ERBB4: variants seen among roughly 807,000 people sequenced by gnomAD.
The protein encoded by ERBB4 is erb-b2 receptor tyrosine kinase 4.
In ERBB4, 42 loss-of-function variants were observed where a neutral mutation model predicts 158.0. The observed-to-expected ratio is 0.27, with a 90% confidence interval of 0.21 to 0.34. The LOEUF (loss-of-function observed/expected upper bound fraction) is 0.34, where lower values mean the gene tolerates loss of function less well. ERBB4 is among the 10% of genes least tolerant of loss of function. ERBB4 has a pLI of 1.00. For missense variants in ERBB4, 1,333 were observed against 1,624.1 expected, an observed-to-expected ratio of 0.82 and a Z score of 3.08; for synonymous variants, 583 against 558.7, an observed-to-expected ratio of 1.04 and a Z score of -0.61.
At chr2:211,572,252 C>T (rs1455301385) in intron 19 of ERBB4, among the ~76,000 whole-genome samples, 1 of 152,044 alleles carries the variant, frequency 6.6e-6, no homozygotes, top group Non-Finnish European at 1.5e-5. Flanking sequence ...TAACATTGCA[C>T]GTACTCAATA....
intron 1 of ERBB4, among the ~76,000 whole-genome samples, chr2:212,152,511 TAGTC>T (rs2080903906): frequency 6.6e-6 from 1 of 152,182 alleles, no homozygotes; most frequent in Admixed American, 6.6e-5. Context: ...GACTCTACCA[TAGTC>T]AGCCATTTAA....
intron 20 of ERBB4, among the ~76,000 whole-genome samples, chr2:211,463,267 G>C (rs1295166685): frequency 6.6e-6 from 1 of 152,216 alleles, no homozygotes; most frequent in East Asian, 1.9e-4. Flanking sequence ...AAGGATTCCT[G>C]GCTCAAATTC....
intron 1 of ERBB4, among the ~76,000 whole-genome samples, chr2:212,323,634 C>T (rs1424234281): frequency 2.7e-5 from 4 of 150,420 alleles, no homozygotes; most frequent in Admixed American, 1.3e-4. Flanking sequence ...AATGTAGATA[C>T]TGCCAGCATT....
intron 1 of ERBB4, among the ~76,000 whole-genome samples, chr2:212,466,317 A>G (rs1302090199): frequency 1.3e-5 from 2 of 152,204 alleles, no homozygotes; most frequent in Non-Finnish European, 2.9e-5. Flanking sequence ...TTTGAAACCC[A>G]AATATATGAA....
At chr2:211,670,255 G>A (rs954790439) in intron 14 of ERBB4, among the ~76,000 whole-genome samples, 1 of 152,166 alleles carries the variant, frequency 6.6e-6, no homozygotes, top group African/African-American at 2.4e-5. Flanking sequence ...ATTAAGGGTT[G>A]AAAGAAACCA....
chr2:211,632,783 T>G (rs554028790), intron 16 of ERBB4, among the ~76,000 whole-genome samples: 3 of 152,166 alleles, frequency 2.0e-5, no homozygotes, highest in Admixed American at 1.3e-4. Context: ...AAGACAGTAA[T>G]TTCTGGTTTT....
At chr2:211,566,091 A>C (rs1341884147) in intron 19 of ERBB4, among the ~76,000 whole-genome samples, 1 of 152,200 alleles carries the variant, frequency 6.6e-6, no homozygotes, top group African/African-American at 2.4e-5. Flanking sequence ...CCTAGCAAGG[A>C]CTTCAGCATC....
rs1693243689 is a variant in ERBB4 at position 212,538,559 on chromosome 2, C to T, written c.-29G>A. The T allele has an allele frequency of 1.3e-6, 2 of 1,599,382 alleles. No homozygotes were observed. Among genetic ancestry groups the T allele is most frequent in the Admixed American group, 1.7e-5 (1 of 59,996 alleles). On this transcript the variant is annotated 5_prime_UTR_variant, in exon 1 of 28. Coordinates refer to ENST00000342788, the MANE Select transcript of ERBB4 (RefSeq NM_005235.3). ...TTGGAAGTCTCAGATCCCGTGCTGA[C>T]AATTACATGTCCAAATGGCATATCC...
intron 20 of ERBB4, among the ~76,000 whole-genome samples, chr2:211,528,380 T>A (rs536809184): frequency 6.6e-6 from 1 of 151,996 alleles, no homozygotes; most frequent in South Asian, 2.1e-4. Flanking sequence ...TAGAGCTAAA[T>A]AAAGAGACTC....
At chr2:212,470,219 G>A (rs905202164) in intron 1 of ERBB4, among the ~76,000 whole-genome samples, 2 of 151,860 alleles carry the variant, frequency 1.3e-5, no homozygotes, top group African/African-American at 4.8e-5. Flanking sequence ...CCCTCATACT[G>A]CTTCAAATAA....
intron 1 of ERBB4, among the ~76,000 whole-genome samples, chr2:212,208,736 T>C (rs937964035): frequency 6.6e-6 from 1 of 152,142 alleles, no homozygotes; most frequent in African/African-American, 2.4e-5. Context: ...CCAATAACAA[T>C]TATGTCAATT....
chr2:212,323,657 T>C (rs1167053934), intron 1 of ERBB4, among the ~76,000 whole-genome samples: 1 of 150,608 alleles, frequency 6.6e-6, no homozygotes, highest in Non-Finnish European at 1.5e-5. Context: ...AAAAATGTTA[T>C]AAACACAAAG....
At chr2:212,004,862 G>A (rs549577302) in intron 2 of ERBB4, among the ~76,000 whole-genome samples, 1 of 151,752 alleles carries the variant, frequency 6.6e-6, no homozygotes, top group Non-Finnish European at 1.5e-5. Context: ...TGTATATATA[G>A]CTTTTGAGAT....
chr2:211,587,470 T>C (rs973322919), intron 19 of ERBB4, among the ~76,000 whole-genome samples: 6 of 152,236 alleles, frequency 3.9e-5, no homozygotes, highest in East Asian at 1.9e-4. Flanking sequence ...GAATGGCACA[T>C]GAAGCCGGAG....
At chr2:212,015,127 A>T (rs1164958921) in intron 2 of ERBB4, among the ~76,000 whole-genome samples, 1 of 131,278 alleles carries the variant, frequency 7.6e-6, no homozygotes, top group Admixed American at 8.0e-5. Context: ...TTAGCCGGGC[A>T]TGGTGGCGGG....
At chr2:212,500,691 C>T (rs972165669) in intron 1 of ERBB4, among the ~76,000 whole-genome samples, 1 of 152,012 alleles carries the variant, frequency 6.6e-6, no homozygotes, top group Non-Finnish European at 1.5e-5. Context: ...ATAACATGAA[C>T]ATTGAACCAA....
chr2:211,841,577 T>C (rs2077472012), intron 3 of ERBB4, among the ~76,000 whole-genome samples: 1 of 151,970 alleles, frequency 6.6e-6, no homozygotes, highest in African/African-American at 2.4e-5. Context: ...ATTTTGAAAA[T>C]GTGTTATTTT....
intron 20 of ERBB4, among the ~76,000 whole-genome samples, chr2:211,519,271 C>T (rs943749061): frequency 3.3e-5 from 5 of 152,040 alleles, no homozygotes; most frequent in African/African-American, 1.2e-4. Context: ...GTAATTATAG[C>T]CCATTAGTTT....
intron 1 of ERBB4, among the ~76,000 whole-genome samples, chr2:212,193,217 A>G (rs773827352): frequency 6.6e-6 from 1 of 152,118 alleles, no homozygotes; most frequent in Non-Finnish European, 1.5e-5. Flanking sequence ...CTAATTTGCC[A>G]TCTTGTCCAT....
Sources: allele counts gnomAD v4.1 joint callset (sites outside exome capture counted in the v4.1 genomes callset), GRCh38; gene constraint gnomAD v4.1.1; transcripts MANE v1.5; gene names NCBI Gene and HGNC (gene_info 2026-07-23, HGNC 2026-07-21).